The following CACNA2D1 variants were observed in gnomAD, a reference collection of about 807,000 sequenced individuals.
The protein encoded by CACNA2D1 is calcium voltage-gated channel auxiliary subunit alpha2delta 1, also known as voltage-dependent calcium channel subunit alpha-2/delta-1.
A neutral mutation model predicts 171.5 loss-of-function variants in CACNA2D1; 53 were observed. The observed-to-expected ratio is 0.31, with a 90% CI of 0.25 to 0.39. The LOEUF is 0.39. Ranked by LOEUF, CACNA2D1 falls within the 10% of genes least tolerant of loss-of-function variation. The pLI is 1.00. For missense variants in CACNA2D1, 903 were observed against 1,299.8 expected, an observed-to-expected ratio of 0.69 and a Z score of 4.69; for synonymous variants, 442 against 443.1, an observed-to-expected ratio of 1.00 and a Z score of 0.03.
At chr7:81,970,074 G>A (rs748892825) in intron 27 of CACNA2D1, 90 bp from the exon 28 acceptor site, 199 of 789,524 alleles carry the variant, frequency 2.5e-4, no homozygotes, top group Non-Finnish European at 4.0e-4. Flanking sequence ...TTACAGATAC[G>A]CCTACATCTC....
At chr7:81,955,371 G>A (rs905198065) in intron 38 of CACNA2D1, among the ~76,000 whole-genome samples, 2 of 151,952 alleles carry the variant, frequency 1.3e-5, no homozygotes, top group Non-Finnish European at 2.9e-5. Context: ...GGAAACAACT[G>A]CCAACTAACA....
chr7:81,975,987 T>A (rs1481790801), intron 24 of CACNA2D1, among the ~76,000 whole-genome samples: 3 of 74,630 alleles, frequency 4.0e-5, no homozygotes, highest in Non-Finnish European at 8.6e-5. Context: ...TCAAGTAATG[T>A]TACATTAAAA....
intron 1 of CACNA2D1, among the ~76,000 whole-genome samples, chr7:82,361,273 G>A (rs1313576406): frequency 1.3e-5 from 2 of 152,134 alleles, no homozygotes; most frequent in East Asian, 1.9e-4. Flanking sequence ...CCTAAACTAC[G>A]TTTTTTACCA....
rs965272381 is a variant in CACNA2D1 at position 82,128,304 on chromosome 7, C to T, written c.396+8331G>A. On this transcript the variant is annotated intron_variant, in intron 5 of 38. Coordinates refer to ENST00000356860, the MANE Select transcript of CACNA2D1 (RefSeq NM_000722.4). ...AGCCATAATTTTTATATTATACAATCGTAAGGAGACATTAATTCTATACTT... is the reference window on the plus strand; with the variant it reads ...AGCCATAATTTTTATATTATACAATTGTAAGGAGACATTAATTCTATACTT... Among the ~76,000 whole-genome samples, 5 of 152,064 alleles carry T rather than the reference C, an allele frequency of 3.3e-5. 1 individual carries two copies. Among genetic ancestry groups the T allele is most frequent in the African/African-American group, 4.8e-5 (2 of 41,390 alleles).
intron 3 of CACNA2D1, among the ~76,000 whole-genome samples, chr7:82,277,162 CA>C (rs1809454131): frequency 6.6e-6 from 1 of 152,124 alleles, no homozygotes; most frequent in Admixed American, 6.6e-5. Flanking sequence ...ATCTGTGTAG[CA>C]GTGTCAGTCT....
chr7:82,058,591 A>G (rs902871016), intron 10 of CACNA2D1, among the ~76,000 whole-genome samples: 1 of 152,184 alleles, frequency 6.6e-6, no homozygotes, highest in African/African-American at 2.4e-5. Context: ...ACAGGGTCAG[A>G]TAGATTGTAA....
chr7:82,355,145 C>T (rs1383124798), intron 1 of CACNA2D1, among the ~76,000 whole-genome samples: 4 of 152,126 alleles, frequency 2.6e-5, no homozygotes, highest in Admixed American at 6.6e-5. Context: ...AATCACCTGA[C>T]ACAGGCATTT....
intron 1 of CACNA2D1, among the ~76,000 whole-genome samples, chr7:82,351,187 T>C (rs1485580993): frequency 2.6e-5 from 4 of 152,082 alleles, no homozygotes; most frequent in Non-Finnish European, 5.9e-5. Context: ...ATAATTTCAA[T>C]AATGGAGATT....
In CACNA2D1 at chr7:82,321,901, C is replaced by T. The variant is rs956829327; in HGVS notation, c.294+13234G>A. Reference sequence around the variant, plus strand: ...CAGCACTTTGGGAGGCCGAGGCGGGCGGATCACGAGGTCAGGAGATCGAGA... The same window carrying T: ...CAGCACTTTGGGAGGCCGAGGCGGGTGGATCACGAGGTCAGGAGATCGAGA... On this transcript the variant is annotated intron_variant, in intron 3 of 38. Coordinates refer to ENST00000356860, the MANE Select transcript of CACNA2D1 (RefSeq NM_000722.4). Among the ~76,000 whole-genome samples the T allele has an allele frequency of 1.1e-4, 16 of 150,580 alleles. No homozygotes were observed. The East Asian group carries it at 2.4e-3, about 23-fold the overall frequency.
rs949934916 is a variant in CACNA2D1 at position 81,984,401 on chromosome 7, G to A, written c.1873+234C>T. ...ATTCTATGAGCACATAGCAAGGCAG[G>A]GAAGGGTGGTGGGGACTGCCAGTGA... On this transcript the variant is annotated intron_variant, in intron 22 of 38. Transcript: ENST00000356860. Among the ~76,000 whole-genome samples, 5 of 152,146 alleles carry A rather than the reference G, an allele frequency of 3.3e-5. No individual in the cohort carries two copies. The East Asian group carries it at 9.6e-4, about 29-fold the overall frequency.
intron 18 of CACNA2D1, among the ~76,000 whole-genome samples, chr7:82,004,175 G>T (rs1182574609): frequency 6.6e-6 from 1 of 152,088 alleles, no homozygotes; most frequent in Non-Finnish European, 1.5e-5. Flanking sequence ...AAGTTTTCAA[G>T]CTATAGCAAA....
intron 22 of CACNA2D1, 36 bp from the exon 23 acceptor site, chr7:81,983,370 CAAAAA>C: frequency 1.5e-6 from 2 of 1,345,552 alleles, no homozygotes; most frequent in Non-Finnish European, 2.0e-6. Flanking sequence ...AGCAGGGAAA[CAAAAA>C]AAAAAGAGGG....
intron 3 of CACNA2D1, among the ~76,000 whole-genome samples, chr7:82,202,654 G>C (rs985674284): frequency 1.3e-5 from 1 of 76,426 alleles, no homozygotes; most frequent in African/African-American, 5.7e-5. Flanking sequence ...CGGAGGTAAG[G>C]GCACTCCAGG....
At position 82,143,508 on chromosome 7, in the gene CACNA2D1, A is replaced by G. The variant is rs258726; in HGVS notation, c.355-6832T>C. Among the ~76,000 whole-genome samples the G allele has an allele frequency of 4.6e-3, 696 of 152,312 alleles. 2 individuals are homozygous for G. The highest frequency in any genetic ancestry group is 0.016 in the African/African-American group (657 of 41,572). On this transcript the variant is annotated intron_variant, in intron 4 of 38. Transcript: ENST00000356860. ...GGATGCAATGTGTCTTTTAAGTGCT[A>G]TCTTCAAAGATTCCACATAGCAGAG...
At chr7:82,373,445 C>T (rs1189372350) in intron 1 of CACNA2D1, among the ~76,000 whole-genome samples, 4 of 152,158 alleles carry the variant, frequency 2.6e-5, no homozygotes, top group Non-Finnish European at 4.4e-5. Flanking sequence ...AAGCCTCAAC[C>T]TTTATAATTC....
intron 5 of CACNA2D1, among the ~76,000 whole-genome samples, chr7:82,131,253 G>T (rs1221378000): frequency 6.6e-6 from 1 of 152,180 alleles, no homozygotes; most frequent in Admixed American, 6.5e-5. Context: ...AATCATAGCA[G>T]CTGAGTTTCA....
intron 6 of CACNA2D1, among the ~76,000 whole-genome samples, chr7:82,085,306 T>A (rs1810320748): frequency 6.6e-6 from 1 of 152,076 alleles, no homozygotes; most frequent in Non-Finnish European, 1.5e-5. Context: ...CGAAAATGTC[T>A]CCAGACTGTC....
chr7:82,217,812 A>G (rs1248455712), intron 3 of CACNA2D1, among the ~76,000 whole-genome samples: 2 of 151,762 alleles, frequency 1.3e-5, no homozygotes, highest in Non-Finnish European at 2.9e-5. Flanking sequence ...CTAGTTTTTC[A>G]TCATTCTGTC....
intron 38 of CACNA2D1, among the ~76,000 whole-genome samples, chr7:81,955,527 C>T (rs906483469): frequency 6.6e-6 from 1 of 151,938 alleles, no homozygotes; most frequent in Non-Finnish European, 1.5e-5. Context: ...ATACTGAAAG[C>T]ATATTTTGTT....
Sources: allele counts gnomAD v4.1 joint callset (sites outside exome capture counted in the v4.1 genomes callset), GRCh38; gene constraint gnomAD v4.1.1; transcripts MANE v1.5; gene names NCBI Gene and HGNC (gene_info 2026-07-23, HGNC 2026-07-21).